The following TOP6BL variants were observed in gnomAD, a reference collection of about 807,000 sequenced individuals.
The protein encoded by TOP6BL is TOP6B like initiator of meiotic double strand breaks.
At chr11:66,809,715 A>T in the TOP6BL span, among the ~76,000 whole-genome samples, 3 of 151,890 alleles carry the variant, frequency 2.0e-5, no homozygotes, top group Non-Finnish European at 2.9e-5. Context: ...AGAAATAACT[A>T]TTTTTTTTAA....
At chr11:66,761,595 T>G in the TOP6BL span, 1 of 1,176,564 alleles carries the variant, frequency 8.5e-7, no homozygotes, top group South Asian at 1.5e-5. Context: ...TTGACAAAAC[T>G]TTTGAGGTCT....
chr11:66,796,206 G>C, the TOP6BL span: 1 of 1,135,206 alleles, frequency 8.8e-7, no homozygotes, highest in South Asian at 1.4e-5. Context: ...TTTTAGAAGA[G>C]GAAATACCGT....
chr11:66,837,634 G>A, the TOP6BL span, among the ~76,000 whole-genome samples: 23 of 149,674 alleles, frequency 1.5e-4, no homozygotes, highest in African/African-American at 2.7e-4. Flanking sequence ...TAGTACAGGC[G>A]GAGTTTCACC....
chr11:66,755,209 C>CGGTTGAAG, the TOP6BL span, among the ~76,000 whole-genome samples: 3 of 152,152 alleles, frequency 2.0e-5, no homozygotes, highest in African/African-American at 7.2e-5. Context: ...CAACCTCCGC[C>CGGTTGAAG]TCCTGGGTTC....
the TOP6BL span, among the ~76,000 whole-genome samples, chr11:66,784,792 C>T: frequency 1.3e-5 from 2 of 152,108 alleles, no homozygotes. Context: ...GTTGTTTCCA[C>T]TTTTAGCTGT....
chr11:66,804,575 T>C, the TOP6BL span, among the ~76,000 whole-genome samples: 3 of 152,318 alleles, frequency 2.0e-5, no homozygotes, highest in East Asian at 5.8e-4. Context: ...AGCAGCATTA[T>C]AGAGTACGGA....
At chr11:66,842,926 G>A in the TOP6BL span, 7 of 1,561,594 alleles carry the variant, frequency 4.5e-6, no homozygotes, top group Middle Eastern at 2.0e-4. Flanking sequence ...TCTGCGCTCT[G>A]CCAGGGCCCC....
the TOP6BL span, among the ~76,000 whole-genome samples, chr11:66,772,622 T>C: frequency 1.3e-5 from 2 of 152,268 alleles, no homozygotes; most frequent in East Asian, 3.9e-4. Flanking sequence ...ATACAAAAAT[T>C]AGCTGGGTGT....
the TOP6BL span, among the ~76,000 whole-genome samples, chr11:66,821,341 G>A: frequency 6.8e-5 from 10 of 146,748 alleles, no homozygotes; most frequent in Admixed American, 1.4e-4. Context: ...AGGCTGGAGC[G>A]CAGTGGCACA....
the TOP6BL span, among the ~76,000 whole-genome samples, chr11:66,761,265 A>G: frequency 1.3e-5 from 2 of 152,000 alleles, no homozygotes; most frequent in African/African-American, 2.4e-5. Flanking sequence ...CAGCTACTCC[A>G]GAGGCTGAGG....
chr11:66,787,663 C>T, the TOP6BL span, among the ~76,000 whole-genome samples: 23 of 148,566 alleles, frequency 1.5e-4, no homozygotes, highest in African/African-American at 5.2e-4. Context: ...GATGTTGCAG[C>T]GAGCCGAGAT....
the TOP6BL span, chr11:66,839,239 G>A: frequency 4.4e-6 from 2 of 455,584 alleles, no homozygotes; most frequent in East Asian, 1.4e-4. Context: ...ATGTACTAAT[G>A]CTCTTAGTTC....
chr11:66,793,563 G>C, the TOP6BL span, among the ~76,000 whole-genome samples: 1 of 148,502 alleles, frequency 6.7e-6, no homozygotes, highest in South Asian at 2.1e-4. Context: ...CTCTGCCTCA[G>C]CCTCCCGAGT....
the TOP6BL span, among the ~76,000 whole-genome samples, chr11:66,776,792 G>A: frequency 2.0e-4 from 31 of 152,266 alleles, no homozygotes; most frequent in African/African-American, 7.2e-4. Context: ...GCTTATGCTA[G>A]TAATCCCAGC....
At chr11:66,758,089 AT>A in the TOP6BL span, 1 of 967,422 alleles carries the variant, frequency 1.0e-6, no homozygotes, top group Non-Finnish European at 1.2e-6. Flanking sequence ...TGATTCTTAG[AT>A]TCTGAACTAT....
At chr11:66,840,735 A>T in the TOP6BL span, among the ~76,000 whole-genome samples, 1 of 152,066 alleles carries the variant, frequency 6.6e-6, no homozygotes, top group Non-Finnish European at 1.5e-5. Flanking sequence ...ATTTACCTTC[A>T]TTGTATCTGA....
chr11:66,747,544 A>T, the TOP6BL span, among the ~76,000 whole-genome samples: 3 of 151,616 alleles, frequency 2.0e-5, no homozygotes, highest in African/African-American at 7.3e-5. Context: ...TTTCAGCAGC[A>T]GCCCTATGTG....
chr11:66,783,589 G>A, the TOP6BL span, among the ~76,000 whole-genome samples: 1 of 151,926 alleles, frequency 6.6e-6, no homozygotes, highest in Non-Finnish European at 1.5e-5. Context: ...TTAACTATGT[G>A]GCTTTTTTAA....
chr11:66,783,757 A>G, the TOP6BL span, among the ~76,000 whole-genome samples: 1 of 152,096 alleles, frequency 6.6e-6, no homozygotes, highest in African/African-American at 2.4e-5. Context: ...AATTGATATA[A>G]AATTCATATA....
Sources: gnomAD v4.1 joint callset for allele counts (sites outside exome capture counted in the v4.1 genomes callset) on GRCh38, gnomAD v4.1.1 for gene constraint, MANE v1.5 for transcripts, NCBI Gene and HGNC (gene_info 2026-07-23, HGNC 2026-07-21) for gene names.